The following SCFD2 variants were observed in gnomAD, a reference collection of about 807,000 sequenced individuals.
The protein encoded by SCFD2 is sec1 family domain-containing protein 2.
A neutral mutation model predicts 58.9 loss-of-function variants in SCFD2; 54 were observed. That is an observed-to-expected ratio of 0.92 (90% CI 0.74 to 1.15). The LOEUF (loss-of-function observed/expected upper bound fraction) is 1.15. SCFD2 is among the 50% of genes most tolerant of loss of function. The pLI, the probability that SCFD2 is intolerant of heterozygous loss-of-function variation, is 0.00. For missense variants in SCFD2, 805 were observed against 836.6 expected, an observed-to-expected ratio of 0.96 and a Z score of 0.47; for synonymous variants, 321 against 335.9, an observed-to-expected ratio of 0.96 and a Z score of 0.49.
chr4:52,901,658 G>A (rs931404996), intron 7 of SCFD2, among the ~76,000 whole-genome samples: 1 of 152,190 alleles, frequency 6.6e-6, no homozygotes, highest in East Asian at 1.9e-4. Flanking sequence ...TGAGTAAAAT[G>A]AATGATCAAT....
chr4:53,034,507 T>A (rs1189327797), intron 5 of SCFD2, among the ~76,000 whole-genome samples: 1 of 152,156 alleles, frequency 6.6e-6, no homozygotes, highest in Non-Finnish European at 1.5e-5. Context: ...TAAAGAGTAT[T>A]CAAATAGGAA....
At chr4:53,144,689 A>G (rs910747207) in intron 5 of SCFD2, among the ~76,000 whole-genome samples, 1 of 152,002 alleles carries the variant, frequency 6.6e-6, no homozygotes, top group Non-Finnish European at 1.5e-5. Context: ...CTCTTTGAAT[A>G]GGATGTACTA....
intron 4 of SCFD2, among the ~76,000 whole-genome samples, chr4:53,253,563 A>G (rs962945382): frequency 6.6e-6 from 1 of 152,160 alleles, no homozygotes; most frequent in Non-Finnish European, 1.5e-5. Context: ...GTAGCCATAA[A>G]AAATGATGAG....
chr4:53,177,571 A>C (rs1727379904), intron 4 of SCFD2, among the ~76,000 whole-genome samples: 1 of 152,252 alleles, frequency 6.6e-6, no homozygotes, highest in South Asian at 2.1e-4. Flanking sequence ...TCCGGTCTAC[A>C]GCTCCCAGCG....
intron 5 of SCFD2, among the ~76,000 whole-genome samples, chr4:52,979,363 A>G (rs751173347): frequency 6.6e-6 from 1 of 152,114 alleles, no homozygotes; most frequent in African/African-American, 2.4e-5. Flanking sequence ...CTTCTGTGTC[A>G]TTAAAAGTTC....
chr4:53,275,390 T>C (rs894055906), intron 3 of SCFD2, among the ~76,000 whole-genome samples: 2 of 152,104 alleles, frequency 1.3e-5, no homozygotes, highest in African/African-American at 4.8e-5. Flanking sequence ...GTCTCATGAG[T>C]TTCTTTGGTC....
intron 4 of SCFD2, among the ~76,000 whole-genome samples, chr4:53,241,609 C>T (rs975516758): frequency 1.3e-5 from 2 of 152,226 alleles, no homozygotes; most frequent in African/African-American, 4.8e-5. Context: ...CTCCCATGTA[C>T]CACTTTGCTG....
chr4:53,009,256 T>C (rs1722044806), intron 5 of SCFD2, among the ~76,000 whole-genome samples: 1 of 152,220 alleles, frequency 6.6e-6, no homozygotes, highest in Non-Finnish European at 1.5e-5. Flanking sequence ...GGGACCTTAA[T>C]AATCTTAGAG....
chr4:53,257,479 T>C (rs754983489), intron 4 of SCFD2, among the ~76,000 whole-genome samples: 9 of 152,128 alleles, frequency 5.9e-5, no homozygotes, highest in Non-Finnish European at 1.2e-4. Flanking sequence ...CATTCCAAAT[T>C]TACCAATCAG....
In SCFD2 at chr4:53,139,263, G is replaced by A. The variant is rs1196248922; in HGVS notation, c.1561+6070C>T. On this transcript the variant is annotated intron_variant, in intron 5 of 8. Transcript: ENST00000401642. ...GCCTGCCTTGGCCTCCCAAAGTGCC[G>A]AGATTGCAACCTCTGCCCGGCCGCC... Among the ~76,000 whole-genome samples the A allele has an allele frequency of 2.0e-4, 31 of 152,288 alleles. No individual in the cohort carries two copies. The East Asian group carries it at 6.0e-3, about 30-fold the overall frequency.
rs147564336 is a variant in SCFD2 at position 53,211,784 on chromosome 4, C to G, written c.1311+62042G>C. 1.1e-3 allele frequency among the ~76,000 whole-genome samples: 174 copies of G among 152,206 alleles called. 1 individual carries two copies. Among genetic ancestry groups the G allele is most frequent in the Admixed American group, 2.0e-3 (31 of 15,300 alleles). ...CATGGTTTGAGAGTTTTCCTCCATA[C>G]AGTCAGTAGTTTTAAATTTTTCCAT... On this transcript the variant is annotated intron_variant, in intron 4 of 8. Coordinates refer to ENST00000401642, the MANE Select transcript of SCFD2 (RefSeq NM_152540.4).
intron 8 of SCFD2, among the ~76,000 whole-genome samples, chr4:52,882,986 C>G (rs1406861887): frequency 6.6e-6 from 1 of 152,172 alleles, no homozygotes; most frequent in African/African-American, 2.4e-5. Flanking sequence ...GCTGTTTACA[C>G]CAATGATCAA....
chr4:53,176,222 G>T (rs540568436), intron 4 of SCFD2, among the ~76,000 whole-genome samples: 2 of 152,150 alleles, frequency 1.3e-5, no homozygotes, highest in Non-Finnish European at 2.9e-5. Flanking sequence ...TCTTTCAAAA[G>T]TCTGCGAATT....
intron 5 of SCFD2, among the ~76,000 whole-genome samples, chr4:52,929,403 C>A (rs143150234): frequency 6.6e-6 from 1 of 152,252 alleles, no homozygotes; most frequent in East Asian, 1.9e-4. Flanking sequence ...GCAAATTCAG[C>A]TTTTTAAAAC....
chr4:53,211,256 A>AAAAAAC (rs200190059), intron 4 of SCFD2, among the ~76,000 whole-genome samples: 1 of 106,442 alleles, frequency 9.4e-6, no homozygotes, highest in Non-Finnish European at 2.0e-5. Context: ...AAAAAAAAAA[A>AAAAAAC]TCCAAGAGAA....
intron 3 of SCFD2, among the ~76,000 whole-genome samples, chr4:53,303,046 G>A (rs79166697): frequency 1.3e-5 from 2 of 151,980 alleles, no homozygotes; most frequent in African/African-American, 4.8e-5. Flanking sequence ...CATGGGCAAG[G>A]ACTTCATGTC....
At position 52,961,544 on chromosome 4, in the gene SCFD2, C is replaced by G. The variant is rs114691313; in HGVS notation, c.1562-40674G>C. 6.3e-3 allele frequency among the ~76,000 whole-genome samples: 939 copies of G among 149,552 alleles called. 9 individuals are homozygous for G. The highest frequency in any genetic ancestry group is 0.022 in the African/African-American group (901 of 40,436). On this transcript the variant is annotated intron_variant, in intron 5 of 8. Coordinates refer to ENST00000401642, the MANE Select transcript of SCFD2 (RefSeq NM_152540.4). ...TTGGAAGGAGAAATGTCAGGGTGTT[C>G]ATGGAATAGTGGGAAAACCAGCCTC...
chr4:53,083,413 A>T (rs998221395), intron 5 of SCFD2, among the ~76,000 whole-genome samples: 11 of 152,054 alleles, frequency 7.2e-5, no homozygotes, highest in South Asian at 2.1e-4. Flanking sequence ...CTATTTTTTT[A>T]AAAAAAGAAG....
chr4:53,052,896 C>T (rs1169728278), intron 5 of SCFD2, among the ~76,000 whole-genome samples: 5 of 152,246 alleles, frequency 3.3e-5, no homozygotes, highest in African/African-American at 7.2e-5. Context: ...AAAGAGCACA[C>T]GCTGTATGAT....
Sources: allele counts gnomAD v4.1 joint callset (sites outside exome capture counted in the v4.1 genomes callset), GRCh38; gene constraint gnomAD v4.1.1; transcripts MANE v1.5; gene names NCBI Gene and HGNC (gene_info 2026-07-23, HGNC 2026-07-21).